RAI1: variants seen among roughly 807,000 people sequenced by gnomAD.
RAI1 encodes the protein retinoic acid induced 1, also known as retinoic acid-induced protein 1.
Under a neutral mutation model 123.8 loss-of-function variants are expected in RAI1, and 9 were observed. The ratio of observed to expected loss-of-function variants is 0.07; its 90% CI spans 0.04 to 0.13. The LOEUF (loss-of-function observed/expected upper bound fraction) is 0.13. RAI1 is among the 10% of genes least tolerant of loss of function. RAI1 has a pLI of 1.00. For missense variants in RAI1, 2,256 were observed against 2,545.8 expected (o/e 0.89, Z 2.45); for synonymous variants, 1,231 against 1,127.3 (o/e 1.09, Z -1.84).
chr17:17,718,318 G>C (rs1915773155), intron 1 of RAI1, among the ~76,000 whole-genome samples: 1 of 152,164 alleles, frequency 6.6e-6, no homozygotes, highest in Admixed American at 6.5e-5. Flanking sequence ...AAATGTAAGA[G>C]AACTTGGATC....
Position 17,794,448 on chromosome 17 carries a change from G to A in RAI1, c.1500G>A (p.Pro500=), listed in dbSNP as rs115536854. 9.8e-4 allele frequency: 1,584 copies of A among 1,612,658 alleles called. 19 individuals are homozygous for A. The African/African-American group carries it at 0.017, about 17-fold the overall frequency. Residue 500 remains proline, a synonymous_variant, in exon 3 of 6, where the codon CCG becomes CCA. Transcript: ENST00000353383. ...AEPAGTPLSE[P]PSSTPQSTHA... is the part of the protein sequence containing the mutation. ...CCGCAGGCACACCGCTGTCAGAGCCGCCGAGCAGCACGCCACAGTCCACGC... is the reference window on the plus strand; with the variant it reads ...CCGCAGGCACACCGCTGTCAGAGCCACCGAGCAGCACGCCACAGTCCACGC...
At position 17,801,789 on chromosome 17, in the gene RAI1, C is replaced by G. The variant is rs1304089641; in HGVS notation, c.5566-1967C>G. 6.6e-6 allele frequency among the ~76,000 whole-genome samples: 1 copy of G among 152,204 alleles called. No homozygotes were observed. Among genetic ancestry groups the G allele is most frequent in the Non-Finnish European group, 1.5e-5 (1 of 68,034 alleles). On this transcript the variant is annotated intron_variant, in intron 3 of 5. Coordinates refer to ENST00000353383, the MANE Select transcript of RAI1 (RefSeq NM_030665.4). The surrounding 1 kb of genome is among the most constrained non-coding windows in gnomAD (Gnocchi z 4.1). ...TGAGCATGTGGGGTCCTGTGGGCCCCTACTCCAGCCTGGAGGCAGCTGCAG... is the reference window on the plus strand; with the variant it reads ...TGAGCATGTGGGGTCCTGTGGGCCCGTACTCCAGCCTGGAGGCAGCTGCAG...
chr17:17,708,352 TTGAA>T (rs1490945211), intron 1 of RAI1, among the ~76,000 whole-genome samples: 1 of 152,300 alleles, frequency 6.6e-6, no homozygotes, highest in African/African-American at 2.4e-5. Context: ...TCAGCCTAGA[TTGAA>T]TGAGCAAGGA....
At chr17:17,701,141 C>T (rs942459056) in intron 1 of RAI1, among the ~76,000 whole-genome samples, 2 of 152,160 alleles carry the variant, frequency 1.3e-5, no homozygotes, top group Non-Finnish European at 2.9e-5. Context: ...GGGGATGGGT[C>T]TGGGCCCTTT....
At chr17:17,758,248 C>CA (rs1472588389) in intron 2 of RAI1, among the ~76,000 whole-genome samples, 35 of 152,244 alleles carry the variant, frequency 2.3e-4, no homozygotes, top group Non-Finnish European at 1.0e-4. Context: ...CCAACCCGGC[C>CA]ACCACCTGGG....
rs770082267 is a variant in RAI1 at position 17,793,351 on chromosome 17, C to T, written c.403C>T (p.Pro135Ser). ...QPPPPQPQPL[P>S]AGVAKYDENL... ...ACCACCCCCACAGCCGCAGCCACTA[C>T]CTGCAGGGGTGGCCAAGTATGATGA... Residue 135 changes from proline to serine, a missense_variant, in exon 3 of 6, where the codon CCT (proline) becomes TCT (serine). By Grantham distance (74) the Pro-to-Ser change is moderately conservative (BLOSUM62 -1). Coordinates refer to ENST00000353383, the MANE Select transcript of RAI1 (RefSeq NM_030665.4). 3 of 1,612,878 alleles carry T rather than the reference C, an allele frequency of 1.9e-6. No individual in the cohort carries two copies. The highest frequency in any genetic ancestry group is 1.7e-5 in the Admixed American group (1 of 60,002).
intron 1 of RAI1, among the ~76,000 whole-genome samples, chr17:17,682,286 G>A (rs1256402195): frequency 6.6e-6 from 1 of 151,728 alleles, no homozygotes; most frequent in Non-Finnish European, 1.5e-5. Flanking sequence ...GGGAGTCAGG[G>A]CCGGCGAAGG....
In RAI1 at chr17:17,798,167, T is replaced by G. The variant is rs780515419; in HGVS notation, c.5219T>G (p.Leu1740Arg). ...EEASLPLERT[L>R]KGPECAAAAT... ...GCCTCGCTGCCGCTTGAGAGAACACTCAAAGGTCCCGAGTGTGCAGCTGCC... is the reference window on the plus strand; with the variant it reads ...GCCTCGCTGCCGCTTGAGAGAACACGCAAAGGTCCCGAGTGTGCAGCTGCC... The change falls in exon 3 of 6, where the codon CTC becomes CGC. Residue 1740 changes from leucine (L) to arginine (R), a missense_variant. Physicochemically the swap from Leu to Arg is moderately radical, Grantham distance 102. This residue lies in a region of RAI1 where 243 missense variants were observed against 316.6 expected (regional missense o/e 0.77). Coordinates refer to ENST00000353383, the MANE Select transcript of RAI1 (RefSeq NM_030665.4). 7 of 1,613,030 alleles carry G rather than the reference T, an allele frequency of 4.3e-6. No individual in the cohort carries two copies. In the East Asian group the frequency reaches 1.6e-4, roughly 36 times the overall value.
At chr17:17,725,512 G>T (rs1206873890) in intron 2 of RAI1, among the ~76,000 whole-genome samples, 3 of 152,208 alleles carry the variant, frequency 2.0e-5, no homozygotes, top group African/African-American at 7.2e-5. Flanking sequence ...GGGGACCGCA[G>T]TTCTGAGGCG....
intron 1 of RAI1, among the ~76,000 whole-genome samples, chr17:17,718,161 G>A (rs1300236971): frequency 6.6e-6 from 1 of 152,130 alleles, no homozygotes; most frequent in East Asian, 1.9e-4. Context: ...TCGGGAGGTG[G>A]CCACCAAGGC....
At position 17,793,078 on chromosome 17, in the gene RAI1, C is replaced by T. The variant is rs771704970; in HGVS notation, c.130C>T (p.Arg44Trp). Residue 44 changes from arginine (R) to tryptophan (W), a missense_variant, in exon 3 of 6, where the codon CGG becomes TGG. Transcript: ENST00000353383. ...SQAGLSCDRQRLLAKDYYNPQ... is the reference protein window; with the variant it reads ...SQAGLSCDRQWLLAKDYYNPQ... ...GGCCGGGCTAAGCTGCGACCGGCAG[C>T]GGCTGCTCGCCAAGGACTATTATAA... The T allele has an allele frequency of 5.0e-6, 8 of 1,613,602 alleles. No homozygotes were observed. The highest frequency in any genetic ancestry group is 5.9e-6 in the Non-Finnish European group (7 of 1,179,714).
At chr17:17,792,760 G>C (rs1297739131) in intron 2 of RAI1, among the ~76,000 whole-genome samples, 173 bp from the exon 3 acceptor site, 1 of 150,752 alleles carries the variant, frequency 6.6e-6, no homozygotes, top group Non-Finnish European at 1.5e-5. Flanking sequence ...TCAGGCGAAG[G>C]GGGGACTATT....
intron 1 of RAI1, among the ~76,000 whole-genome samples, chr17:17,703,753 G>A (rs992776377): frequency 6.6e-6 from 1 of 152,078 alleles, no homozygotes; most frequent in African/African-American, 2.4e-5. Context: ...CGATCCTTCC[G>A]CCTTGGCCTC....
At chr17:17,727,253 C>T (rs1415374271) in intron 2 of RAI1, among the ~76,000 whole-genome samples, 2 of 152,206 alleles carry the variant, frequency 1.3e-5, no homozygotes, top group Non-Finnish European at 2.9e-5. Context: ...ACCTATCTGA[C>T]CTCCCTCCTT....
chr17:17,770,479 A>T (rs541617721), intron 2 of RAI1, among the ~76,000 whole-genome samples: 31 of 152,308 alleles, frequency 2.0e-4, no homozygotes, highest in African/African-American at 7.5e-4. Context: ...GAGATTAAGA[A>T]GATACTGCCT....
At chr17:17,771,730 G>A (rs957979819) in intron 2 of RAI1, among the ~76,000 whole-genome samples, 1 of 152,222 alleles carries the variant, frequency 6.6e-6, no homozygotes, top group African/African-American at 2.4e-5. Flanking sequence ...TCGGGGGCTG[G>A]TATGCAGAGT....
intron 1 of RAI1, among the ~76,000 whole-genome samples, chr17:17,715,072 G>T (rs1915668641): frequency 6.6e-6 from 1 of 152,116 alleles, no homozygotes; most frequent in Admixed American, 6.5e-5. Flanking sequence ...ACTGCCCAGG[G>T]GCACACAGCC....
At chr17:17,753,611 C>T (rs1354448397) in intron 2 of RAI1, among the ~76,000 whole-genome samples, 1 of 152,172 alleles carries the variant, frequency 6.6e-6, no homozygotes, top group African/African-American at 2.4e-5. Context: ...TAAACCACCC[C>T]GAAGTTTGTA....
chr17:17,793,636 G>A lies in RAI1; in HGVS notation c.688G>A (p.Gly230Arg), dbSNP rs546550691. The A allele has an allele frequency of 1.3e-5, 21 of 1,613,332 alleles. No homozygotes were observed. Among genetic ancestry groups the A allele is most frequent in the Middle Eastern group, 3.3e-4 (2 of 6,062 alleles). ...STYSSSVQGGGQGAHSYKSCT... is the reference protein window; with the variant it reads ...STYSSSVQGGRQGAHSYKSCT... ...CTACTCCTCCTCTGTCCAGGGTGGT[G>A]GGCAGGGGGCCCACTCCTATAAGAG... is the stretch of plus-strand genomic sequence containing the variant. The change falls in exon 3 of 6, where the codon GGG becomes AGG. Residue 230 changes from glycine (G) to arginine (R), a missense_variant. Physicochemically the swap from Gly to Arg is moderately radical, Grantham distance 125. Transcript: ENST00000353383.
Sources: gnomAD v4.1 joint callset for allele counts (sites outside exome capture counted in the v4.1 genomes callset) on GRCh38, gnomAD v4.1.1 for gene constraint, gnomAD v4.1.1 regional missense constraint, Gnocchi (gnomAD v3.1) non-coding constraint, MANE v1.5 for transcripts, NCBI Gene and HGNC (gene_info 2026-07-23, HGNC 2026-07-21) for gene names.